ORC3: variants seen among roughly 807,000 people sequenced by gnomAD.
ORC3 encodes the protein homolog of latheo, Drosophila.
In ORC3, 78 loss-of-function variants were observed where a neutral mutation model predicts 100.7. The ratio of observed to expected loss-of-function variants is 0.77; its 90% CI spans 0.65 to 0.94. The LOEUF is 0.94. Ranked by LOEUF, ORC3 falls within the 40% of genes least tolerant of loss-of-function variation. The pLI is 0.00. For synonymous variants in ORC3, 295 were observed against 289.3 expected (o/e 1.02, Z -0.20); for missense variants, 789 against 823.9 (o/e 0.96, Z 0.52).
At chr6:87,614,947 AT>A (rs1324042700) in intron 8 of ORC3, among the ~76,000 whole-genome samples, 1 of 152,108 alleles carries the variant, frequency 6.6e-6, no homozygotes, top group Non-Finnish European at 1.5e-5. Context: ...TCACTTCCAC[AT>A]TTTTGGGTAT....
chr6:87,668,602 T>G (rs557685577), downstream of ORC3, among the ~76,000 whole-genome samples: 107 of 152,276 alleles, frequency 7.0e-4, no homozygotes, highest in Non-Finnish European at 7.4e-4. Context: ...AAGAACACCT[T>G]AGACCTCTGG....
At chr6:87,597,370 T>C (rs1777527347) in intron 2 of ORC3, among the ~76,000 whole-genome samples, 1 of 152,126 alleles carries the variant, frequency 6.6e-6, no homozygotes, top group South Asian at 2.1e-4. Context: ...ATTTCAGATT[T>C]TTGGATTAGA....
intron 13 of ORC3, among the ~76,000 whole-genome samples, chr6:87,650,129 T>G (rs1275987647): frequency 6.7e-6 from 1 of 150,156 alleles, no homozygotes; most frequent in Non-Finnish European, 1.5e-5. Flanking sequence ...TGATCACGGC[T>G]CACTGCAGCC....
At position 87,612,134 on chromosome 6, in the gene ORC3, C is replaced by T. The variant is rs1167242658; in HGVS notation, c.759C>T (p.Ala253=). The T allele has an allele frequency of 6.2e-7, 1 of 1,613,316 alleles. No individual in the cohort carries two copies. Residue 253 remains alanine (A), a synonymous_variant, in exon 8 of 20, where the codon GCC becomes GCT. Coordinates refer to ENST00000392844, the MANE Select transcript of ORC3 (RefSeq NM_012381.4). The part of the protein sequence containing the change: ...EFPLILIFGI[A]TSPIIIHRLL... ...CACTAATACTCATTTTTGGAATAGC[C>T]ACATCTCCTATTATCATCCACCGAT...
At chr6:87,663,612 GC>G (rs1421340876) in intron 17 of ORC3, among the ~76,000 whole-genome samples, 3 of 152,234 alleles carry the variant, frequency 2.0e-5, no homozygotes, top group Admixed American at 1.3e-4. Flanking sequence ...GAGAGCATCT[GC>G]AGAGCTGAGT....
intron 1 of ORC3, among the ~76,000 whole-genome samples, chr6:87,590,856 G>A (rs566334330): frequency 2.0e-5 from 3 of 152,270 alleles, no homozygotes; most frequent in African/African-American, 4.8e-5. Context: ...GAGTGGGAGC[G>A]TCATGAAAAA....
intron 14 of ORC3, among the ~76,000 whole-genome samples, chr6:87,656,032 C>T (rs1218083380): frequency 6.6e-6 from 1 of 152,164 alleles, no homozygotes; most frequent in Non-Finnish European, 1.5e-5. Context: ...GTGGGGTTCA[C>T]AAAACCCAAC....
chr6:87,654,890 A>G (rs775021573), intron 14 of ORC3, among the ~76,000 whole-genome samples: 1 of 152,204 alleles, frequency 6.6e-6, no homozygotes, highest in Non-Finnish European at 1.5e-5. Flanking sequence ...GTGATATGCT[A>G]GAGCTAAATA....
chr6:87,675,691 C>T, the ORC3 span: 2 of 1,566,440 alleles, frequency 1.3e-6, no homozygotes. Context: ...AATTTTGCCC[C>T]TAGGTATTTA....
At position 87,664,792 on chromosome 6, in the gene ORC3, A is replaced by C. The variant is rs764651822; in HGVS notation, c.1883A>C (p.Asp628Ala). The stretch of plus-strand genomic sequence containing the variant: ...GGCTGCATTCCGAATATCGCCCCAG[A>C]CATCTGCATAGCATACAAACTGCAC... The part of the protein sequence containing the change: ...EEGCIPNIAP[D>A]ICIAYKLHLE... Residue 628 changes from aspartate to alanine, a missense_variant, in exon 18 of 20, where the codon GAC becomes GCC. Around this residue, in one of 3 missense-constraint regions of ORC3, gnomAD observed 366 missense variants for 394.2 expected, o/e 0.93. Transcript: ENST00000392844. 2.5e-6 allele frequency: 4 copies of C among 1,614,182 alleles called. No individual in the cohort carries two copies. The highest frequency in any genetic ancestry group is 1.1e-5 in the South Asian group (1 of 91,084).
Position 87,627,150 on chromosome 6 carries a change from A to G in ORC3, c.1185+5137A>G, listed in dbSNP as rs185216057. ...GTAGCTGGGGTTACAGGTGCCTACC[A>G]CCACACCCGGCTAATTTTTTGTATT... is the stretch of plus-strand genomic sequence containing the variant. On this transcript the variant is annotated intron_variant, in intron 11 of 19. Transcript: ENST00000392844. Among the ~76,000 whole-genome samples the G allele has an allele frequency of 4.3e-3, 648 of 151,630 alleles. 19 individuals are homozygous for G. The highest frequency in any genetic ancestry group is 0.037 in the Admixed American group (568 of 15,200).
At chr6:87,671,814 T>TATC (rs755585608), downstream of ORC3, among the ~76,000 whole-genome samples, 4 of 152,182 alleles carry the variant, frequency 2.6e-5, no homozygotes, top group African/African-American at 7.2e-5. Flanking sequence ...TCTAATCACC[T>TATC]ATCAGATGAC....
chr6:87,599,354 A>ATTTATTTATTTAT lies in ORC3; in HGVS notation c.80-2428_80-2427insTATTTATTTATTT, dbSNP rs140590339. 2.6e-3 allele frequency among the ~76,000 whole-genome samples: 375 copies of ATTTATTTATTTAT among 145,164 alleles called. 1 individual carries two copies. Among genetic ancestry groups the ATTTATTTATTTAT allele is most frequent in the African/African-American group, 8.9e-3 (347 of 39,180 alleles). On this transcript the variant is annotated intron_variant, in intron 2 of 19. Transcript: ENST00000392844. The stretch of plus-strand genomic sequence containing the variant: ...TTGTTCTGCTTTGTCTCTTTTTTTT[A>ATTTATTTATTTAT]TTATTTATTTATTTATTTATTTATT...
At chr6:87,590,315 C>G (rs1054667751) in intron 1 of ORC3, 123 bp downstream of exon 1, 1 of 1,074,778 alleles carries the variant, frequency 9.3e-7, no homozygotes, top group Admixed American at 1.7e-5. Flanking sequence ...GAGCGGCGTA[C>G]TGAGCTGAGG....
intron 8 of ORC3, among the ~76,000 whole-genome samples, 171 bp downstream of exon 8, chr6:87,612,419 G>A (rs1283214721): frequency 1.3e-5 from 2 of 151,948 alleles, no homozygotes; most frequent in South Asian, 4.2e-4. Context: ...GTGTTTTATA[G>A]TTTTACAGTG....
intron 13 of ORC3, among the ~76,000 whole-genome samples, chr6:87,639,968 G>C (rs1370904212): frequency 6.6e-6 from 1 of 152,070 alleles, no homozygotes; most frequent in Non-Finnish European, 1.5e-5. Context: ...CTTCACTCCA[G>C]CCTGGGTGAC....
chr6:87,647,760 A>G (rs1768915425), intron 13 of ORC3, among the ~76,000 whole-genome samples: 1 of 152,224 alleles, frequency 6.6e-6, no homozygotes, highest in African/African-American at 2.4e-5. Context: ...AAGGAGTTGA[A>G]ACCCAGTTTG....
rs767939097 is a variant in ORC3 at position 87,605,950 on chromosome 6, G to C, written c.356G>C (p.Gly119Ala). The part of the protein sequence containing the change: ...VNVTDHDLTF[G>A]SLTEALQNNV... ...GTCACAGATCATGATTTGACATTCG[G>C]AAGTCTAACAGAGGCCCTTCAGAAT... The change falls in exon 5 of 20, where the codon GGA becomes GCA. Residue 119 changes from glycine to alanine, a missense_variant. Coordinates refer to ENST00000392844, the MANE Select transcript of ORC3 (RefSeq NM_012381.4). 1 of 1,607,064 alleles carries C rather than the reference G, an allele frequency of 6.2e-7. No individual in the cohort carries two copies. Among genetic ancestry groups the C allele is most frequent in the African/African-American group, 1.3e-5 (1 of 74,740 alleles).
chr6:87,653,057 G>C lies in ORC3; in HGVS notation c.1383-59G>C, dbSNP rs575857631. On this transcript the variant is annotated intron_variant, in intron 13 of 19. Coordinates refer to ENST00000392844, the MANE Select transcript of ORC3 (RefSeq NM_012381.4). ...ATTTAATATGTATATTAAATAAAAT[G>C]TTTTTTAAGTGTTAATTTTCTAGTT... is the stretch of plus-strand genomic sequence containing the variant. 5.2e-6 allele frequency: 7 copies of C among 1,339,182 alleles called. No individual in the cohort carries two copies. In the African/African-American group the frequency reaches 1.0e-4, roughly 20 times the overall value. The allele number at this position is 1,339,182 out of a possible 1,614,324, so 83.0% of individuals were successfully genotyped here.
Sources: gnomAD v4.1 joint callset for allele counts (sites outside exome capture counted in the v4.1 genomes callset) on GRCh38, gnomAD v4.1.1 for gene constraint, gnomAD v4.1.1 regional missense constraint, MANE v1.5 for transcripts, NCBI Gene and HGNC (gene_info 2026-07-23, HGNC 2026-07-21) for gene names.